The following COL1A1 variants were observed in gnomAD, a reference collection of about 807,000 sequenced individuals.
COL1A1 encodes collagen alpha-1(I) chain.
In COL1A1, 21 loss-of-function variants were observed where a neutral mutation model predicts 195.7. That is an observed-to-expected ratio of 0.11 (90% CI 0.08 to 0.15). The LOEUF (loss-of-function observed/expected upper bound fraction) is 0.15. COL1A1 is among the 10% of genes least tolerant of loss of function. COL1A1 has a pLI of 1.00. For synonymous variants in COL1A1, 749 were observed against 747.3 expected, an observed-to-expected ratio of 1.00 and a Z score of -0.04; for missense variants, 1,365 against 2,051.0, an observed-to-expected ratio of 0.67 and a Z score of 6.46.
In COL1A1 at chr17:50,195,758, G is replaced by A. The variant is rs1907526533; in HGVS notation, c.1057-93C>T. ...GGAGGAAGGGGAGACAGGGACAGGA[G>A]AGCAATGATCAGGACTCTAAGATCA... On this transcript the variant is annotated intron_variant, in intron 16 of 50. Coordinates refer to ENST00000225964, the MANE Select transcript of COL1A1 (RefSeq NM_000088.4). The surrounding 1 kb of genome is among the most constrained non-coding windows in gnomAD (Gnocchi z 4.3). 7.1e-7 allele frequency: 1 copy of A among 1,399,130 alleles called. No homozygotes were observed. 86.7% of individuals were successfully genotyped at this position (1,399,130 alleles called of 1,614,324 possible).
chr17:50,196,596 G>A (rs753141028), intron 12 of COL1A1, 21 bp downstream of exon 12: 1 of 1,614,032 alleles, frequency 6.2e-7, no homozygotes, highest in African/African-American at 1.3e-5. Flanking sequence ...GGAGGACCAT[G>A]ATGTTCAGAC....
chr17:50,199,267 G>A lies in COL1A1; in HGVS notation c.430C>T (p.Pro144Ser), dbSNP rs908422422. The change falls in exon 5 of 51, where the codon CCC (proline) becomes TCC (serine). Residue 144 changes from proline to serine, a missense_variant. Pro to Ser is a moderately conservative substitution (Grantham distance 74). Coordinates refer to ENST00000225964, the MANE Select transcript of COL1A1 (RefSeq NM_000088.4). ...IPGQPGLPGP[P>S]GPPGPPGPPG... ...GGTCCGGGAGGTCCGGGGGGTCCGG[G>A]GGGTCCGGGAAGTCCAGGCTGTCCA... The A allele has an allele frequency of 1.1e-5, 16 of 1,506,340 alleles. No homozygotes were observed. Among genetic ancestry groups the A allele is most frequent in the Admixed American group, 6.3e-5 (3 of 47,420 alleles). The allele number at this position is 1,506,340 out of a possible 1,614,324, so 93.3% of individuals were successfully genotyped here.
chr17:50,187,635 C>T (rs988444307), intron 45 of COL1A1, 98 bp from the exon 46 acceptor site: 2 of 1,312,404 alleles, frequency 1.5e-6, no homozygotes, highest in Non-Finnish European at 2.2e-6. Flanking sequence ...GCAACCCATG[C>T]CCCTTCATTA....
chr17:50,199,791 G>A lies in COL1A1; in HGVS notation c.260C>T (p.Pro87Leu), dbSNP rs926503489. 1 of 1,613,744 alleles carries A rather than the reference G, an allele frequency of 6.2e-7. No homozygotes were observed. ...GCAGACGGGACAGCACTCGCCCTCG[G>A]GGACTTCGGCGCCGGGGCAGTTCTT... ...ETKNCPGAEVPEGECCPVCPD... is the reference protein window; with the variant it reads ...ETKNCPGAEVLEGECCPVCPD... Residue 87 changes from proline to leucine, a missense_variant, in exon 2 of 51, where the codon CCC becomes CTC. Pro to Leu is a moderately conservative substitution (Grantham distance 98, BLOSUM62 -3). This residue lies in a region of COL1A1 where 194 missense variants were observed against 221.7 expected (regional missense o/e 0.88). Transcript: ENST00000225964.
chr17:50,198,737 C>G, intron 5 of COL1A1: 1 of 562,530 alleles, frequency 1.8e-6, no homozygotes, highest in Non-Finnish European at 3.2e-6. Flanking sequence ...CCCAGTGCCA[C>G]TAAAGACAAA....
chr17:50,193,141 G>C (rs1222731078), intron 25 of COL1A1, 94 bp from the exon 26 acceptor site: 4 of 1,298,574 alleles, frequency 3.1e-6, no homozygotes, highest in Non-Finnish European at 4.4e-6. Flanking sequence ...CTTTTTAAGG[G>C]ACTTTCTTTT....
At chr17:50,191,301 A>T in intron 32 of COL1A1, 82 bp downstream of exon 32, 1 of 1,260,920 alleles carries the variant, frequency 7.9e-7, no homozygotes, top group Non-Finnish European at 1.2e-6. Flanking sequence ...GATCCCAGAG[A>T]GAAGGAGAGA....
At position 50,199,291 on chromosome 17, in the gene COL1A1, C is replaced by A; in HGVS notation, c.406G>T (p.Gly136Ter). 1 of 1,535,500 alleles carries A rather than the reference C, an allele frequency of 6.5e-7. No homozygotes were observed. The change falls in exon 5 of 51, where the codon GGA (glycine) becomes TGA (stop). Residue 136 changes from glycine (G) to a stop codon, truncating the protein, a stop_gained. Transcript: ENST00000225964. LOFTEE classifies it high-confidence loss of function. ...AGPPGRDGIP[G>*]QPGLPGPPGP... is the part of the protein sequence containing the mutation. ...GGGGGTCCGGGAAGTCCAGGCTGTC[C>A]AGGGATGCCATCTCGGCCAGGGGGG...
In COL1A1 at chr17:50,184,870, C is replaced by A. The variant is rs1906339181; in HGVS notation, c.*632G>T. 4.3e-6 allele frequency: 1 copy of A among 230,158 alleles called. No homozygotes were observed. Among genetic ancestry groups the A allele is most frequent in the Non-Finnish European group, 8.6e-6 (1 of 116,252 alleles). The allele number at this position is 230,158 out of a possible 1,614,324, so 14.3% of individuals were successfully genotyped here. On this transcript the variant is annotated 3_prime_UTR_variant, in exon 51 of 51. Coordinates refer to ENST00000225964, the MANE Select transcript of COL1A1 (RefSeq NM_000088.4). ...ACCCAGTGAGGGGCTGGTGGCTCCC[C>A]CGGCATGACCCCCTCAAAAACGAAG...
Position 50,195,842 on chromosome 17 carries a change from G to A in COL1A1, c.1056+81C>T. The A allele has an allele frequency of 6.6e-7, 1 of 1,504,720 alleles. No individual in the cohort carries two copies. Among genetic ancestry groups the A allele is most frequent in the East Asian group, 2.5e-5 (1 of 40,772 alleles). 93.2% of individuals were successfully genotyped at this position (1,504,720 alleles called of 1,614,324 possible). A position where few individuals can be genotyped will look rare whatever the true frequency, so the allele number is the denominator to read the frequency against. On this transcript the variant is annotated intron_variant, in intron 16 of 50. Coordinates refer to ENST00000225964, the MANE Select transcript of COL1A1 (RefSeq NM_000088.4). The surrounding 1 kb of genome is among the most constrained non-coding windows in gnomAD (Gnocchi z 4.3). ...ACGGGCTGCTCTCTTGCCACTCTGG[G>A]TCCCTTTGGTTTGGGGAACAGGGAG...
At position 50,199,315 on chromosome 17, in the gene COL1A1, G is replaced by A. The variant is rs1183852639; in HGVS notation, c.382C>T (p.Pro128Ser). 6.4e-7 allele frequency: 1 copy of A among 1,550,680 alleles called. No homozygotes were observed. Among genetic ancestry groups the A allele is most frequent in the East Asian group, 2.4e-5 (1 of 41,312 alleles). ...GPRGPRGPAG[P>S]PGRDGIPGQP... ...CCAGGGATGCCATCTCGGCCAGGGGGGCCTGCGGGTCCCTGCAGGGGGAGA... is the reference window on the plus strand; with the variant it reads ...CCAGGGATGCCATCTCGGCCAGGGGAGCCTGCGGGTCCCTGCAGGGGGAGA... Residue 128 changes from proline to serine, a missense_variant, in exon 5 of 51, where the codon CCC becomes TCC. Pro to Ser is a moderately conservative substitution (Grantham distance 74). Coordinates refer to ENST00000225964, the MANE Select transcript of COL1A1 (RefSeq NM_000088.4).
intron 11 of COL1A1, 140 bp downstream of exon 11, chr17:50,196,870 G>T (rs1907636512): frequency 1.8e-6 from 2 of 1,127,892 alleles, no homozygotes; most frequent in African/African-American, 1.5e-5. Context: ...GGTGCTTTTG[G>T]ATGTCCACTC....
chr17:50,196,963 G>A (rs756616379), intron 11 of COL1A1, 47 bp downstream of exon 11: 1 of 1,597,626 alleles, frequency 6.3e-7, no homozygotes, highest in Admixed American at 1.7e-5. Context: ...ACTGGATGGG[G>A]GTATGCTAGG....
chr17:50,188,940 G>C lies in COL1A1; in HGVS notation c.3008C>G (p.Pro1003Arg), dbSNP rs1320605757. Residue 1003 changes from proline (P) to arginine (R), a missense_variant, in exon 41 of 51, where the codon CCT becomes CGT. By Grantham distance (103) the Pro-to-Arg change is moderately radical. Transcript: ENST00000225964. This position sits in a 1 kb window ranked among gnomAD's most constrained non-coding sequence, Gnocchi z 5.6. ...TTCACCAGGGGGTCCAGCCAATCCA[G>C]GGGGGCCCATGGGACCAGGGGGACC... ...ERGPPGPMGP[P>R]GLAGPPGESG... 1.2e-6 allele frequency: 2 copies of C among 1,611,854 alleles called. No individual in the cohort carries two copies. The highest frequency in any genetic ancestry group is 1.3e-5 in the African/African-American group (1 of 74,784).
At chr17:50,198,240 C>G in intron 6 of COL1A1, 35 bp from the exon 7 acceptor site, 1 of 1,612,816 alleles carries the variant, frequency 6.2e-7, no homozygotes, top group East Asian at 2.2e-5. Flanking sequence ...TCATGGTGAT[C>G]CCTCTGTAGG....
rs1567756021 is a variant in COL1A1 at position 50,190,042 on chromosome 17, G to T, written c.2518C>A (p.Pro840Thr). The T allele has an allele frequency of 2.5e-6, 4 of 1,613,748 alleles. No homozygotes were observed. The highest frequency in any genetic ancestry group is 3.4e-6 in the Non-Finnish European group (4 of 1,179,918). ...CCAGCGGGTCCGGCAGGGCCAGGGG[G>T]ACCAGCATCGCCTTTAGCACCAGCA... ...GDAGAKGDAG[P>T]PGPAGPAGPP... is the part of the protein sequence containing the mutation. The change falls in exon 36 of 51, where the codon CCC becomes ACC. Residue 840 changes from proline (P) to threonine (T), a missense_variant. By Grantham distance (38) the Pro-to-Thr change is conservative. Coordinates refer to ENST00000225964, the MANE Select transcript of COL1A1 (RefSeq NM_000088.4). The surrounding 1 kb of genome is among the most constrained non-coding windows in gnomAD (Gnocchi z 4.7).
chr17:50,196,729 A>G, intron 11 of COL1A1, 59 bp from the exon 12 acceptor site: 1 of 1,557,592 alleles, frequency 6.4e-7, no homozygotes, highest in Non-Finnish European at 8.9e-7. Context: ...CAGCCTTGAC[A>G]TCCACCTAGA....
Position 50,190,930 on chromosome 17 carries a change from G to A in COL1A1, c.2236-6C>T. On this transcript the variant is annotated splice_region_variant and splice_polypyrimidine_tract_variant and intron_variant, in intron 32 of 50. Transcript: ENST00000225964. This position sits in a 1 kb window ranked among gnomAD's most constrained non-coding sequence, Gnocchi z 4.7. ...CCTTTGGGACCAGCATCACCCTAAA[G>A]ACATGGATAAGCTTGAGATTTCCAG... is the stretch of plus-strand genomic sequence containing the variant. 1.9e-6 allele frequency: 3 copies of A among 1,613,164 alleles called. No individual in the cohort carries two copies. The highest frequency in any genetic ancestry group is 1.7e-4 in the Middle Eastern group (1 of 6,058).
At chr17:50,191,690 C>T in intron 31 of COL1A1, 98 bp downstream of exon 31, 2 of 1,377,864 alleles carry the variant, frequency 1.5e-6, no homozygotes, top group Middle Eastern at 2.3e-4. Context: ...CACACCCTAT[C>T]TCCATGGCTT....
Sources: gnomAD v4.1 joint callset for allele counts on GRCh38, gnomAD v4.1.1 for gene constraint, gnomAD v4.1.1 regional missense constraint, Gnocchi (gnomAD v3.1) non-coding constraint, MANE v1.5 for transcripts, NCBI Gene and HGNC (gene_info 2026-07-23, HGNC 2026-07-21) for gene names.